Variants in CCZ1B observed in about 807,000 individuals in gnomAD.
CCZ1B encodes the protein vacuolar fusion protein CCZ1 homolog B.
A neutral mutation model predicts 58.8 loss-of-function variants in CCZ1B; 25 were observed. The ratio of observed to expected loss-of-function variants is 0.43; its 90% confidence interval spans 0.31 to 0.59. The LOEUF (loss-of-function observed/expected upper bound fraction) is 0.59. Ranked by LOEUF, CCZ1B falls within the 20% of genes least tolerant of loss-of-function variation. The pLI is 0.12. For missense variants in CCZ1B, 180 were observed against 501.5 expected (o/e 0.36, Z 6.12); for synonymous variants, 66 against 173.2 (o/e 0.38, Z 4.86).
intron 6 of CCZ1B, among the ~76,000 whole-genome samples, chr7:6,821,705 C>T (rs117286673): frequency 1.5e-3 from 219 of 150,964 alleles, no homozygotes; most frequent in Admixed American, 3.0e-3. Context: ...CAAGACAAGA[C>T]CCTGTCTCTT....
At chr7:6,825,763 CA>C (rs1241434515) in intron 1 of CCZ1B, among the ~76,000 whole-genome samples, 1 of 123,470 alleles carries the variant, frequency 8.1e-6, no homozygotes, top group Admixed American at 9.0e-5. Flanking sequence ...ACCCTGGTTC[CA>C]CGCTTCTAGT....
At chr7:6,816,555 G>A (rs536673976) in intron 7 of CCZ1B, among the ~76,000 whole-genome samples, 1 of 148,276 alleles carries the variant, frequency 6.7e-6, no homozygotes, top group Non-Finnish European at 1.5e-5. Context: ...TGTGACAAAT[G>A]TTTTTTTTCC....
At chr7:6,825,641 C>CACA (rs1554259767) in intron 1 of CCZ1B, among the ~76,000 whole-genome samples, 22 of 87,286 alleles carry the variant, frequency 2.5e-4, no homozygotes, top group Admixed American at 1.5e-3. Context: ...CTCAGAAAAA[C>CACA]CACACACACA....
chr7:6,815,566 C>T (rs553470298), intron 7 of CCZ1B, among the ~76,000 whole-genome samples: 1 of 149,066 alleles, frequency 6.7e-6, no homozygotes, highest in East Asian at 1.9e-4. Context: ...CAGGCTCAAG[C>T]AAACCTCCCA....
At chr7:6,824,913 G>T (rs1467321640) in intron 1 of CCZ1B, among the ~76,000 whole-genome samples, 176 bp from the exon 2 acceptor site, 1 of 148,832 alleles carries the variant, frequency 6.7e-6, no homozygotes, top group Non-Finnish European at 1.5e-5. Context: ...GCTGAGGCGG[G>T]AGGATCACTT....
chr7:6,811,714 A>G (rs970887479), intron 10 of CCZ1B: 16 of 435,280 alleles, frequency 3.7e-5, no homozygotes, highest in Admixed American at 2.0e-4. Context: ...GAGACTTCAC[A>G]CGTTTATAAA....
Position 6,810,467 on chromosome 7 carries a change from A to G in CCZ1B, c.954+1485T>C, listed in dbSNP as rs1342855197. On this transcript the variant is annotated intron_variant, in intron 10 of 14. Coordinates refer to ENST00000316731, the MANE Select transcript of CCZ1B (RefSeq NM_198097.5). ...TGAAACTGTTGATACCAGTTTCATT[A>G]TTTTTGAGAGGGTTTCACTCTGTCA... Among the ~76,000 whole-genome samples, 4 of 148,266 alleles carry G rather than the reference A, an allele frequency of 2.7e-5. No individual in the cohort carries two copies. In the East Asian group the frequency reaches 7.7e-4, roughly 29 times the overall value.
At chr7:6,818,527 A>G (rs1359323175) in intron 7 of CCZ1B, among the ~76,000 whole-genome samples, 1 of 148,722 alleles carries the variant, frequency 6.7e-6, no homozygotes, top group African/African-American at 2.6e-5. Context: ...CCAGCCTGGC[A>G]ACAGAGTGAG....
intron 9 of CCZ1B, chr7:6,812,376 C>T: frequency 2.8e-6 from 1 of 361,624 alleles, no homozygotes; most frequent in Non-Finnish European, 5.2e-6. Flanking sequence ...GCAATCCCAG[C>T]TACTAGAGAG....
intron 7 of CCZ1B, among the ~76,000 whole-genome samples, chr7:6,818,664 AGAC>A (rs1360900335): frequency 0.086 from 8,267 of 96,202 alleles, 614 homozygotes; most frequent in South Asian, 0.24. Context: ...AAAGAAAGAC[AGAC>A]AGAAAGAAAG....
chr7:6,811,022 CTG>C (rs1240861839), intron 10 of CCZ1B, among the ~76,000 whole-genome samples: 1 of 151,578 alleles, frequency 6.6e-6, no homozygotes, highest in East Asian at 1.9e-4. Flanking sequence ...TCTCTTCAGA[CTG>C]TTTCCTTTCT....
At chr7:6,818,298 C>A (rs558222289) in intron 7 of CCZ1B, among the ~76,000 whole-genome samples, 2 of 149,744 alleles carry the variant, frequency 1.3e-5, no homozygotes, top group Non-Finnish European at 3.0e-5. Flanking sequence ...CCTGTAATCG[C>A]GGCACTTTGG....
At chr7:6,801,634 G>GGT in intron 12 of CCZ1B, 111 bp from the exon 13 acceptor site, 1 of 45,110 alleles carries the variant, frequency 2.2e-5, no homozygotes, top group Non-Finnish European at 3.9e-5. Flanking sequence ...GGAGTGCAGT[G>GGT]ACACGATCTC....
At chr7:6,819,619 G>A (rs1453277534) in intron 7 of CCZ1B, 147 bp downstream of exon 7, 1 of 586,576 alleles carries the variant, frequency 1.7e-6, no homozygotes, top group East Asian at 2.8e-5. Context: ...AATAATCACT[G>A]CTTTATTTTG....
At chr7:6,803,823 T>C (rs1176339290) in intron 12 of CCZ1B, among the ~76,000 whole-genome samples, 1 of 151,232 alleles carries the variant, frequency 6.6e-6, no homozygotes. Flanking sequence ...TAGCCAGGCA[T>C]GATGGCACCC....
In CCZ1B at chr7:6,809,311, A is replaced by T. The variant is rs898476044; in HGVS notation, c.954+2641T>A. 3.7e-5 allele frequency among the ~76,000 whole-genome samples: 4 copies of T among 108,670 alleles called. 1 individual carries two copies. Among genetic ancestry groups the T allele is most frequent in the African/African-American group, 1.6e-4 (4 of 25,048 alleles). The allele number at this position is 108,670 out of a possible 152,430, so 71.3% of individuals were successfully genotyped here. A position where few individuals can be genotyped will look rare whatever the true frequency, so the allele number is the denominator to read the frequency against. On this transcript the variant is annotated intron_variant, in intron 10 of 14. Coordinates refer to ENST00000316731, the MANE Select transcript of CCZ1B (RefSeq NM_198097.5). Reference sequence around the variant, plus strand: ...TTGCAACTAGAAATCACTGAACTGTACATTTTAAGTGTAGGAGGGTGAGTT... The same window carrying T: ...TTGCAACTAGAAATCACTGAACTGTTCATTTTAAGTGTAGGAGGGTGAGTT...
At chr7:6,823,273 A>T in intron 5 of CCZ1B, 40 bp downstream of exon 5, 1 of 1,603,710 alleles carries the variant, frequency 6.2e-7, no homozygotes, top group Non-Finnish European at 8.5e-7. Flanking sequence ...GATAGGGGTA[A>T]GTGGTTGGAC....
chr7:6,819,391 A>G (rs568049447), intron 7 of CCZ1B, among the ~76,000 whole-genome samples: 6 of 148,052 alleles, frequency 4.1e-5, no homozygotes, highest in Admixed American at 1.3e-4. Context: ...ATGCACCACC[A>G]CGCCCAGCTA....
chr7:6,818,667 CAGAAAGAAAGAAAGAA>C (rs139349494), intron 7 of CCZ1B, among the ~76,000 whole-genome samples: 1 of 73,842 alleles, frequency 1.4e-5, no homozygotes, highest in Non-Finnish European at 2.9e-5. Context: ...GAAAGACAGA[CAGAAAGAAAGAAAGAA>C]AGAAAGAAAG....
Sources: gnomAD v4.1 joint callset for allele counts (sites outside exome capture counted in the v4.1 genomes callset) on GRCh38, gnomAD v4.1.1 for gene constraint, MANE v1.5 for transcripts, NCBI Gene and HGNC (gene_info 2026-07-23, HGNC 2026-07-21) for gene names.